PIK3C2G: variants seen among roughly 807,000 people sequenced by gnomAD.
The protein encoded by PIK3C2G is phosphatidylinositol 3-kinase C2 domain-containing subunit gamma.
Under a neutral mutation model 181.1 loss-of-function variants are expected in PIK3C2G, and 168 were observed. The observed-to-expected ratio is 0.93, with a 90% CI of 0.82 to 1.05. The LOEUF (loss-of-function observed/expected upper bound fraction) is 1.05. Ranked by LOEUF, PIK3C2G falls within the 50% of genes least tolerant of loss-of-function variation. The pLI is 0.00. For synonymous variants in PIK3C2G, 573 were observed against 592.2 expected (o/e 0.97, Z 0.47); for missense variants, 1,869 against 1,732.8 (o/e 1.08, Z -1.40).
intron 31 of PIK3C2G, among the ~76,000 whole-genome samples, chr12:18,613,865 G>A (rs1948467526): frequency 6.6e-6 from 1 of 152,036 alleles, no homozygotes; most frequent in African/African-American, 2.4e-5. Context: ...GTAAATTGTG[G>A]TGCCTTTGAT....
At position 18,267,760 on chromosome 12, in the gene PIK3C2G, C is replaced by T. The variant is rs1415581486; in HGVS notation, c.-79+6183C>T. 2.6e-5 allele frequency among the ~76,000 whole-genome samples: 4 copies of T among 152,162 alleles called. No homozygotes were observed. In the East Asian group the frequency reaches 5.8e-4, roughly 22 times the overall value. On this transcript the variant is annotated intron_variant, in intron 1 of 32. Transcript: ENST00000538779. The stretch of plus-strand genomic sequence containing the variant: ...CAATTGACTATTTTGAGAAGGTATA[C>T]GTATCTAGGTAATTCTAGCCAATAT...
intron 10 of PIK3C2G, among the ~76,000 whole-genome samples, chr12:18,344,584 G>C (rs1431142673): frequency 6.6e-6 from 1 of 152,022 alleles, no homozygotes; most frequent in Non-Finnish European, 1.5e-5. Flanking sequence ...CTTTCTATCA[G>C]GAATGTTGTA....
intron 6 of PIK3C2G, among the ~76,000 whole-genome samples, chr12:18,320,480 T>A (rs924557429): frequency 9.9e-5 from 15 of 152,232 alleles, no homozygotes; most frequent in Non-Finnish European, 1.5e-4. Flanking sequence ...AATTTAGTGC[T>A]CATGGAATGG....
intron 2 of PIK3C2G, among the ~76,000 whole-genome samples, chr12:18,283,247 A>C (rs1949301782): frequency 6.6e-6 from 1 of 152,134 alleles, no homozygotes; most frequent in South Asian, 2.1e-4. Flanking sequence ...TTCTATTGAG[A>C]TCATTCCAAG....
At chr12:18,252,365 A>G (rs1052316246) in intron 1 of PIK3C2G, among the ~76,000 whole-genome samples, 1 of 152,148 alleles carries the variant, frequency 6.6e-6, no homozygotes, top group Non-Finnish European at 1.5e-5. Context: ...ACAAATCTAT[A>G]AAGATGGAAA....
chr12:18,688,762 T>G, the PIK3C2G span, among the ~76,000 whole-genome samples: 1 of 151,980 alleles, frequency 6.6e-6, no homozygotes, highest in East Asian at 1.9e-4. Context: ...AAGCTAATTG[T>G]TGAAGCAAAA....
rs534483100 is a variant in PIK3C2G at position 18,306,217 on chromosome 12, G to A, written c.1035-7745G>A. 1.5e-3 allele frequency among the ~76,000 whole-genome samples: 232 copies of A among 152,006 alleles called. 1 individual carries two copies. The highest frequency in any genetic ancestry group is 5.3e-3 in the African/African-American group (222 of 41,514). Reference sequence around the variant, plus strand: ...CTTGTGGGAAGTCTTAAGAAAAATAGGGCATTTGAATAGAAAGTTTCAGAT... The same window carrying A: ...CTTGTGGGAAGTCTTAAGAAAAATAAGGCATTTGAATAGAAAGTTTCAGAT... On this transcript the variant is annotated intron_variant, in intron 5 of 32. Transcript: ENST00000538779.
chr12:18,681,404 A>AT, the PIK3C2G span, among the ~76,000 whole-genome samples: 2 of 151,950 alleles, frequency 1.3e-5, no homozygotes, highest in Non-Finnish European at 2.9e-5. Flanking sequence ...TACCAACACA[A>AT]TTTTTTCTTG....
At chr12:18,250,203 T>G (rs2136948309) in intron 1 of PIK3C2G, among the ~76,000 whole-genome samples, 1 of 152,186 alleles carries the variant, frequency 6.6e-6, no homozygotes, top group African/African-American at 2.4e-5. Context: ...ATGTACTATA[T>G]CTAGGTAATA....
At chr12:18,287,407 C>T (rs927265465) in intron 3 of PIK3C2G, among the ~76,000 whole-genome samples, 2 of 152,012 alleles carry the variant, frequency 1.3e-5, no homozygotes, top group Non-Finnish European at 2.9e-5. Context: ...TGATCACTGG[C>T]AGATATTCCA....
chr12:18,419,091 A>G (rs1945335268), intron 16 of PIK3C2G, among the ~76,000 whole-genome samples: 1 of 152,200 alleles, frequency 6.6e-6, no homozygotes, highest in Admixed American at 6.5e-5. Flanking sequence ...CAGTCTTCTA[A>G]GAAATATGTA....
the PIK3C2G span, among the ~76,000 whole-genome samples, chr12:18,724,232 C>G: frequency 2.0e-5 from 3 of 151,934 alleles, no homozygotes; most frequent in African/African-American, 7.2e-5. Context: ...AGATGAAATT[C>G]AAGTGGGAGG....
At chr12:18,628,063 C>T (rs1047674486) in intron 31 of PIK3C2G, among the ~76,000 whole-genome samples, 4 of 152,098 alleles carry the variant, frequency 2.6e-5, no homozygotes, top group African/African-American at 2.4e-5. Context: ...TAGAAGTGCT[C>T]TTTCTTTCTT....
the PIK3C2G span, among the ~76,000 whole-genome samples, chr12:18,691,856 T>A: frequency 6.6e-6 from 1 of 152,182 alleles, no homozygotes; most frequent in African/African-American, 2.4e-5. Context: ...AGCTACATAC[T>A]TCACAGGCAC....
At chr12:18,466,700 C>T (rs1382679220) in intron 18 of PIK3C2G, among the ~76,000 whole-genome samples, 2 of 151,736 alleles carry the variant, frequency 1.3e-5, no homozygotes, top group African/African-American at 2.4e-5. Flanking sequence ...TAGAGAAGCT[C>T]GAAAGGTTCA....
At chr12:18,464,691 A>C (rs917499469) in intron 18 of PIK3C2G, among the ~76,000 whole-genome samples, 6 of 152,096 alleles carry the variant, frequency 3.9e-5, no homozygotes, top group African/African-American at 1.4e-4. Flanking sequence ...TTAACCCTGC[A>C]TAAATAGAAT....
chr12:18,379,366 G>T (rs1942680530), intron 13 of PIK3C2G, among the ~76,000 whole-genome samples: 1 of 116,718 alleles, frequency 8.6e-6, no homozygotes, highest in Non-Finnish European at 1.7e-5. Flanking sequence ...GCCTGTCATG[G>T]GGTGGGGGGA....
chr12:18,271,623 C>T (rs935742879), intron 1 of PIK3C2G, among the ~76,000 whole-genome samples: 1 of 152,132 alleles, frequency 6.6e-6, no homozygotes, highest in Admixed American at 6.6e-5. Context: ...TTTTCTCCTA[C>T]CTCTCAGACT....
intron 15 of PIK3C2G, among the ~76,000 whole-genome samples, chr12:18,395,774 A>G (rs571699955): frequency 3.3e-5 from 5 of 151,448 alleles, no homozygotes; most frequent in Non-Finnish European, 5.9e-5. Flanking sequence ...TTCATATTAT[A>G]TGTAAGGATG....
Sources: allele counts gnomAD v4.1 joint callset (sites outside exome capture counted in the v4.1 genomes callset), GRCh38; gene constraint gnomAD v4.1.1; transcripts MANE v1.5; gene names NCBI Gene and HGNC (gene_info 2026-07-23, HGNC 2026-07-21).